The following CUL5 variants were observed in gnomAD, a reference collection of about 807,000 sequenced individuals.
The protein encoded by CUL5 is cullin-5.
In CUL5, 26 loss-of-function variants were observed where a neutral mutation model predicts 108.8. That is an observed-to-expected ratio of 0.24 (90% CI 0.18 to 0.33). The LOEUF is 0.33. CUL5 is among the 10% of genes least tolerant of loss of function. CUL5 has a pLI of 1.00. For missense variants in CUL5, 524 were observed against 909.2 expected (o/e 0.58, Z 5.45); for synonymous variants, 334 against 298.0 (o/e 1.12, Z -1.25).
At chr11:108,078,328 G>T (rs1332501224) in intron 11 of CUL5, 88 bp downstream of exon 11, 32 of 570,454 alleles carry the variant, frequency 5.6e-5, no homozygotes, top group Non-Finnish European at 9.3e-5. Flanking sequence ...ACCCTGTTAG[G>T]TTTATTTTTG....
chr11:108,085,231 A>G (rs1238977995), intron 11 of CUL5, among the ~76,000 whole-genome samples: 1 of 152,210 alleles, frequency 6.6e-6, no homozygotes, highest in Non-Finnish European at 1.5e-5. Context: ...CATACAGTGG[A>G]ATATTATTCA....
rs1864161957 is a variant in CUL5, at chr11:108,083,947, C to A, written c.1179-4580C>A. On this transcript the variant is annotated intron_variant, in intron 11 of 18. Coordinates refer to ENST00000393094, the MANE Select transcript of CUL5 (RefSeq NM_003478.6). ...GGCTTTGAACGTGGCCCAACACACA[C>A]ATTTGTAAACTTCCGTAAAACATTA... Among the ~76,000 whole-genome samples the A allele has an allele frequency of 2.0e-5, 3 of 152,178 alleles. No homozygotes were observed. The South Asian group carries it at 6.2e-4, about 31-fold the overall frequency.
intron 16 of CUL5, among the ~76,000 whole-genome samples, chr11:108,096,096 G>GAA (rs776430763): frequency 7.9e-6 from 1 of 125,988 alleles, no homozygotes. Context: ...AACTCCGTCT[G>GAA]AAAAAAAAAA....
chr11:108,088,401 CT>C, intron 11 of CUL5, 125 bp from the exon 12 acceptor site: 1 of 1,042,310 alleles, frequency 9.6e-7, no homozygotes, highest in South Asian at 1.7e-5. Flanking sequence ...CTTGCTTATC[CT>C]AGTTCCAAAC....
At chr11:108,067,120 A>G (rs1262657776) in intron 7 of CUL5, among the ~76,000 whole-genome samples, 1 of 152,168 alleles carries the variant, frequency 6.6e-6, no homozygotes, top group African/African-American at 2.4e-5. Context: ...TTATGTGGCT[A>G]CTCTCAGTCT....
At chr11:108,101,246 T>C (rs1286763034) in intron 18 of CUL5, among the ~76,000 whole-genome samples, 1 of 152,136 alleles carries the variant, frequency 6.6e-6, no homozygotes, top group African/African-American at 2.4e-5. Flanking sequence ...ATATATTGAG[T>C]GTGAGAGGGA....
chr11:108,029,698 A>T (rs530895049), intron 1 of CUL5, among the ~76,000 whole-genome samples: 2 of 151,404 alleles, frequency 1.3e-5, no homozygotes, highest in South Asian at 4.2e-4. Flanking sequence ...AATAGAAAAC[A>T]ATTAATTATT....
intron 5 of CUL5, 84 bp downstream of exon 5, chr11:108,052,885 T>A: frequency 8.5e-7 from 1 of 1,181,880 alleles, no homozygotes; most frequent in East Asian, 2.6e-5. Context: ...AAAGTTAAGT[T>A]TATTGGCATA....
intron 4 of CUL5, 25 bp downstream of exon 4, chr11:108,050,091 T>G (rs775395061): frequency 6.5e-7 from 1 of 1,536,908 alleles, no homozygotes; most frequent in Non-Finnish European, 8.8e-7. Context: ...CTCCTTGTTT[T>G]CCTAATATTC....
Position 108,073,445 on chromosome 11 carries a change from T to A in CUL5, c.1061T>A (p.Leu354His). Residue 354 changes from leucine to histidine, a missense_variant, in exon 10 of 19, where the codon CTC becomes CAC. This residue lies in a region of CUL5 where 27 missense variants were observed against 21.3 expected (regional missense o/e 1.27). Coordinates refer to ENST00000393094, the MANE Select transcript of CUL5 (RefSeq NM_003478.6). ...LLTLFNRFSK[L>H]VKEAFQDDPR... ...ACACTATTTAATAGATTTAGTAAAC[T>A]CGTCAAAGAAGCTTTTCAAGATGAT... 1 of 1,598,940 alleles carries A rather than the reference T, an allele frequency of 6.3e-7. No individual in the cohort carries two copies. Among genetic ancestry groups the A allele is most frequent in the East Asian group, 2.2e-5 (1 of 44,524 alleles).
chr11:108,045,116 A>G (rs1210403374), intron 2 of CUL5, among the ~76,000 whole-genome samples: 2 of 152,204 alleles, frequency 1.3e-5, no homozygotes, highest in Non-Finnish European at 2.9e-5. Context: ...CTAGTATTAA[A>G]TATATTTCTA....
At chr11:108,061,156 CAGAA>C (rs1173281047) in intron 7 of CUL5, among the ~76,000 whole-genome samples, 2 of 152,034 alleles carry the variant, frequency 1.3e-5, no homozygotes, top group Admixed American at 6.6e-5. Flanking sequence ...CAAAAGGAGA[CAGAA>C]AGGGAATACA....
At chr11:108,013,721 C>CT (rs1239963342) in intron 1 of CUL5, among the ~76,000 whole-genome samples, 3 of 151,830 alleles carry the variant, frequency 2.0e-5, no homozygotes, top group East Asian at 1.9e-4. Context: ...TCTCAGTGGA[C>CT]TTTTTTTTAT....
chr11:108,070,586 T>A (rs1863797344), intron 8 of CUL5, among the ~76,000 whole-genome samples: 1 of 150,654 alleles, frequency 6.6e-6, no homozygotes, highest in Non-Finnish European at 1.5e-5. Flanking sequence ...TTAATAGTCA[T>A]CTCTGTCCCC....
chr11:108,068,208 C>T (rs999303469), intron 7 of CUL5, among the ~76,000 whole-genome samples: 1 of 152,198 alleles, frequency 6.6e-6, no homozygotes, highest in African/African-American at 2.4e-5. Flanking sequence ...TATGAGCCAC[C>T]ACGCCCAGCC....
chr11:108,089,408 G>A (rs1864298035), intron 12 of CUL5, 84 bp from the exon 13 acceptor site: 5 of 1,024,102 alleles, frequency 4.9e-6, no homozygotes, highest in Non-Finnish European at 7.1e-6. Context: ...TCTGACTTGT[G>A]ACAATTGGTG....
intron 2 of CUL5, among the ~76,000 whole-genome samples, chr11:108,042,419 A>T (rs1862949097): frequency 6.6e-6 from 1 of 151,894 alleles, no homozygotes; most frequent in Non-Finnish European, 1.5e-5. Context: ...ACGGGGTTTC[A>T]CCATGTTGTC....
chr11:108,035,015 T>C (rs7130999), intron 2 of CUL5, among the ~76,000 whole-genome samples: 90,971 of 151,902 alleles, frequency 0.6, 28,667 homozygotes, highest in East Asian at 0.9. Context: ...CAGCTGCATT[T>C]AATAACCAGA....
At chr11:108,087,399 T>G (rs962869075) in intron 11 of CUL5, among the ~76,000 whole-genome samples, 2 of 152,228 alleles carry the variant, frequency 1.3e-5, no homozygotes, top group African/African-American at 4.8e-5. Flanking sequence ...TTGAATTTTA[T>G]AAGCACAAGA....
Sources: gnomAD v4.1 joint callset for allele counts (sites outside exome capture counted in the v4.1 genomes callset) on GRCh38, gnomAD v4.1.1 for gene constraint, gnomAD v4.1.1 regional missense constraint, MANE v1.5 for transcripts, NCBI Gene and HGNC (gene_info 2026-07-23, HGNC 2026-07-21) for gene names.